STXBP4: variants seen among roughly 807,000 people sequenced by gnomAD.
STXBP4 encodes the protein syntaxin binding protein 4, also known as syntaxin-binding protein 4.
Under a neutral mutation model 76.1 loss-of-function variants are expected in STXBP4, and 55 were observed. That is an observed-to-expected ratio of 0.72 (90% CI 0.58 to 0.91). STXBP4 has a LOEUF of 0.91. Among genes scored for constraint, STXBP4 ranks in the 40% least tolerant of loss-of-function variants. The pLI is 0.00. For synonymous variants in STXBP4, 201 were observed against 220.2 expected (o/e 0.91, Z 0.77); for missense variants, 618 against 636.9 (o/e 0.97, Z 0.32).
chr17:55,000,102 A>T, intron 6 of STXBP4: 1 of 541,586 alleles, frequency 1.8e-6, no homozygotes, highest in Non-Finnish European at 2.4e-6. Context: ...ATATGCCTAG[A>T]TATCACTCAA....
In STXBP4 at chr17:55,168,882, T is replaced by C. The variant is rs1443940334; in HGVS notation, c.*8971T>C. ...TTTTTATCTTGGCAAAAGGACTTAA[T>C]AGAAAAATTTTAGATAACAATCAGG... On this transcript the variant is annotated 3_prime_UTR_variant, in exon 18 of 18. Coordinates refer to ENST00000376352, the MANE Select transcript of STXBP4 (RefSeq NM_178509.6). 1 of 152,200 alleles carries C rather than the reference T, an allele frequency of 6.6e-6. No individual in the cohort carries two copies. The highest frequency in any genetic ancestry group is 1.5e-5 in the Non-Finnish European group (1 of 68,030). The allele number at this position is 152,200 out of a possible 1,614,324, so 9.4% of individuals were successfully genotyped here. A position where few individuals can be genotyped will look rare whatever the true frequency, so the allele number is the denominator to read the frequency against.
chr17:55,015,020 G>T (rs2144590600), intron 8 of STXBP4, among the ~76,000 whole-genome samples: 1 of 152,226 alleles, frequency 6.6e-6, no homozygotes, highest in South Asian at 2.1e-4. Context: ...TTTGCTCTGG[G>T]CGTAAGGCAG....
intron 12 of STXBP4, among the ~76,000 whole-genome samples, chr17:55,050,494 G>A (rs536234583): frequency 5.9e-5 from 9 of 152,010 alleles, no homozygotes; most frequent in Admixed American, 2.0e-4. Flanking sequence ...GGGGGATGAC[G>A]GAGGACATCC....
chr17:55,206,857 GAAAAAAAAAA>G, the STXBP4 span, among the ~76,000 whole-genome samples: 1 of 103,164 alleles, frequency 9.7e-6, no homozygotes, highest in Non-Finnish European at 2.0e-5. Context: ...CTCCGTCTCA[GAAAAAAAAAA>G]AAAAAAAAAA....
chr17:55,007,188 A>T (rs1361340033), intron 7 of STXBP4, among the ~76,000 whole-genome samples: 1 of 151,904 alleles, frequency 6.6e-6, no homozygotes, highest in Non-Finnish European at 1.5e-5. Flanking sequence ...AATATACAAA[A>T]ATTAGCCAGG....
At chr17:55,144,279 A>G (rs893191820) in intron 17 of STXBP4, among the ~76,000 whole-genome samples, 2 of 152,192 alleles carry the variant, frequency 1.3e-5, no homozygotes, top group African/African-American at 4.8e-5. Flanking sequence ...ACCCAGCCTC[A>G]TGAAGGAATG....
chr17:55,185,816 C>A, the STXBP4 span, among the ~76,000 whole-genome samples: 10 of 152,124 alleles, frequency 6.6e-5, no homozygotes, highest in African/African-American at 2.4e-4. Context: ...TTGACCCAAG[C>A]CTTACAGGAG....
rs1045583007 is a variant in STXBP4, at chr17:55,160,947, C to G, written c.*1036C>G. 1 of 152,206 alleles carries G rather than the reference C, an allele frequency of 6.6e-6. No homozygotes were observed. Among genetic ancestry groups the G allele is most frequent in the Non-Finnish European group, 1.5e-5 (1 of 68,050 alleles). 9.4% of individuals were successfully genotyped at this position (152,206 alleles called of 1,614,324 possible). Reference sequence around the variant, plus strand: ...TCCCAGAGGGATGGTTTGAGGGGAGCTGATGAGAAGAGAGGTATCTGTTAA... The same window carrying G: ...TCCCAGAGGGATGGTTTGAGGGGAGGTGATGAGAAGAGAGGTATCTGTTAA... On this transcript the variant is annotated 3_prime_UTR_variant, in exon 18 of 18. Transcript: ENST00000376352.
Position 55,081,325 on chromosome 17 carries a change from T to C in STXBP4, c.1489+142T>C, listed in dbSNP as rs1385331807. On this transcript the variant is annotated intron_variant, in intron 16 of 17. Coordinates refer to ENST00000376352, the MANE Select transcript of STXBP4 (RefSeq NM_178509.6). The stretch of plus-strand genomic sequence containing the variant: ...AATAAAAATATTAATGTACCAATCA[T>C]AGGAGGAGAATATTTCCTTTATGTA... 7.1e-6 allele frequency: 4 copies of C among 562,408 alleles called. No individual in the cohort carries two copies. In the South Asian group the frequency reaches 2.3e-4, roughly 33 times the overall value. 34.8% of individuals were successfully genotyped at this position (562,408 alleles called of 1,614,324 possible). A position where few individuals can be genotyped will look rare whatever the true frequency, so the allele number is the denominator to read the frequency against.
intron 12 of STXBP4, among the ~76,000 whole-genome samples, chr17:55,065,004 A>C (rs1294632848): frequency 6.6e-6 from 1 of 152,138 alleles, no homozygotes; most frequent in Non-Finnish European, 1.5e-5. Context: ...CTGTTTTTCC[A>C]AATAGTTGTC....
intron 8 of STXBP4, among the ~76,000 whole-genome samples, chr17:55,027,322 C>T (rs1471879514): frequency 1.3e-5 from 2 of 152,142 alleles, no homozygotes. Flanking sequence ...ACCCTATGGC[C>T]CTTCCTATCG....
rs1276553992 is a variant in STXBP4 at position 55,171,113 on chromosome 17, A to C, written c.*11202A>C. On this transcript the variant is annotated 3_prime_UTR_variant, in exon 18 of 18. Transcript: ENST00000376352. Reference sequence around the variant, plus strand: ...TGCAGTAAAACCAGCAATGGATTTTAGCAGAGTTGATGCATCATTAGGATT... The same window carrying C: ...TGCAGTAAAACCAGCAATGGATTTTCGCAGAGTTGATGCATCATTAGGATT... 3 of 152,248 alleles carry C rather than the reference A, an allele frequency of 2.0e-5. No homozygotes were observed. The highest frequency in any genetic ancestry group is 4.4e-5 in the Non-Finnish European group (3 of 68,042). 9.4% of individuals were successfully genotyped at this position (152,248 alleles called of 1,614,324 possible).
At chr17:55,048,350 G>T (rs951195695) in intron 12 of STXBP4, among the ~76,000 whole-genome samples, 3 of 151,814 alleles carry the variant, frequency 2.0e-5, no homozygotes, top group African/African-American at 2.4e-5. Context: ...AGAAGAGAGT[G>T]CTCTTGAACT....
chr17:54,983,030 T>C (rs1427570473), intron 1 of STXBP4, among the ~76,000 whole-genome samples: 1 of 152,230 alleles, frequency 6.6e-6, no homozygotes, highest in Non-Finnish European at 1.5e-5. Context: ...TCTGTATGAC[T>C]TATTTTTCTT....
In STXBP4 at chr17:55,104,184, C is replaced by T. The variant is rs187275646; in HGVS notation, c.1489+23001C>T. ...TTATGTTGAATGGGGTGGTGAGAGA[C>T]GGCATCCTTGTCTTGTGCCAGTTTT... On this transcript the variant is annotated intron_variant, in intron 16 of 17. Transcript: ENST00000376352. Among the ~76,000 whole-genome samples the T allele has an allele frequency of 4.1e-4, 63 of 152,186 alleles. No individual in the cohort carries two copies. The East Asian group carries it at 5.6e-3, about 14-fold the overall frequency.
At chr17:55,068,466 A>G (rs906736343) in intron 12 of STXBP4, among the ~76,000 whole-genome samples, 3 of 152,172 alleles carry the variant, frequency 2.0e-5, no homozygotes, top group African/African-American at 7.2e-5. Context: ...GGAGCCATTC[A>G]TTACAACTCA....
chr17:55,009,292 GTGTT>G (rs577263841), intron 8 of STXBP4, among the ~76,000 whole-genome samples: 110 of 152,250 alleles, frequency 7.2e-4, no homozygotes, highest in Non-Finnish European at 1.3e-3. Context: ...CAAAAATAGA[GTGTT>G]TGAAGTTTAA....
intron 1 of STXBP4, among the ~76,000 whole-genome samples, chr17:54,981,960 AG>A (rs2077556713): frequency 6.6e-6 from 1 of 152,206 alleles, no homozygotes; most frequent in African/African-American, 2.4e-5. Context: ...AACTACCTTG[AG>A]ATACCATTTT....
intron 8 of STXBP4, among the ~76,000 whole-genome samples, 191 bp downstream of exon 8, chr17:55,007,788 G>C (rs1173456358): frequency 6.6e-6 from 1 of 152,136 alleles, no homozygotes; most frequent in Non-Finnish European, 1.5e-5. Flanking sequence ...TGGTTCACTA[G>C]TACAAAATAG....
Sources: gnomAD v4.1 joint callset for allele counts (sites outside exome capture counted in the v4.1 genomes callset) on GRCh38, gnomAD v4.1.1 for gene constraint, MANE v1.5 for transcripts, NCBI Gene and HGNC (gene_info 2026-07-23, HGNC 2026-07-21) for gene names.